CFAP299: variants seen among roughly 807,000 people sequenced by gnomAD.
CFAP299 encodes the protein cilia and flagella associated protein 299, also known as cilia- and flagella-associated protein 299.
In CFAP299, 21 loss-of-function variants were observed where a neutral mutation model predicts 27.0. That is an observed-to-expected ratio of 0.78 (90% CI 0.55 to 1.12). The LOEUF (loss-of-function observed/expected upper bound fraction) is 1.12, where lower values mean the gene tolerates loss of function less well. Among genes scored for constraint, CFAP299 ranks in the 50% most tolerant of loss-of-function variants. The probability of loss-of-function intolerance (pLI) is 0.00; values close to 1 mark genes in which losing one functional copy is unlikely to be tolerated. For missense variants in CFAP299, 310 were observed against 276.6 expected, an observed-to-expected ratio of 1.12 and a Z score of -0.86; for synonymous variants, 104 against 98.1, an observed-to-expected ratio of 1.06 and a Z score of -0.36.
chr4:80,954,772 G>A (rs1737967633), intron 5 of CFAP299, among the ~76,000 whole-genome samples: 1 of 151,828 alleles, frequency 6.6e-6, no homozygotes, highest in South Asian at 2.1e-4. Context: ...GGCGGAGGTG[G>A]GCGGACCACG....
intron 3 of CFAP299, among the ~76,000 whole-genome samples, chr4:80,601,849 C>A (rs1248825430): frequency 6.6e-6 from 1 of 152,162 alleles, no homozygotes; most frequent in Non-Finnish European, 1.5e-5. Flanking sequence ...CAATGATAGA[C>A]TGGATAAAGA....
chr4:80,849,307 G>A (rs1731365431), intron 3 of CFAP299, among the ~76,000 whole-genome samples: 1 of 152,130 alleles, frequency 6.6e-6, no homozygotes, highest in South Asian at 2.1e-4. Context: ...AGTAGTATGG[G>A]ACCCCCATGG....
At chr4:80,604,342 A>C (rs76794010) in intron 3 of CFAP299, among the ~76,000 whole-genome samples, 18,423 of 152,120 alleles carry the variant, frequency 0.12, 1,287 homozygotes, top group South Asian at 0.23. Flanking sequence ...GATAAAAAAA[A>C]AGTTTGGCTA....
chr4:80,694,836 G>T (rs1036479473), intron 3 of CFAP299, among the ~76,000 whole-genome samples: 1 of 152,154 alleles, frequency 6.6e-6, no homozygotes, highest in Non-Finnish European at 1.5e-5. Flanking sequence ...AAAAATTACT[G>T]TGATTGAATT....
intron 2 of CFAP299, among the ~76,000 whole-genome samples, chr4:80,526,822 G>A (rs1408812017): frequency 7.9e-5 from 12 of 152,004 alleles, no homozygotes; most frequent in Admixed American, 1.3e-4. Context: ...CTGTTCTAAC[G>A]TTATACACAT....
At chr4:80,410,764 A>C (rs1024251783) in intron 2 of CFAP299, among the ~76,000 whole-genome samples, 2 of 152,228 alleles carry the variant, frequency 1.3e-5, no homozygotes, top group African/African-American at 4.8e-5. Context: ...ACAGATAACG[A>C]AATAGACTAA....
chr4:80,686,879 C>T (rs1433442664), intron 3 of CFAP299, among the ~76,000 whole-genome samples: 2 of 152,268 alleles, frequency 1.3e-5, no homozygotes, highest in South Asian at 2.1e-4. Flanking sequence ...CAGCTGAAAC[C>T]TCCTGACTGA....
chr4:80,662,927 A>T (rs1166470485), intron 3 of CFAP299, among the ~76,000 whole-genome samples: 1 of 152,070 alleles, frequency 6.6e-6, no homozygotes, highest in African/African-American at 2.4e-5. Context: ...GAGATTAGCA[A>T]ATTTTAGGTG....
At chr4:80,371,427 A>G (rs142552251) in intron 2 of CFAP299, among the ~76,000 whole-genome samples, 197 of 152,280 alleles carry the variant, frequency 1.3e-3, no homozygotes, top group African/African-American at 4.3e-3. Flanking sequence ...TCTCCCCCCA[A>G]AATGAGTTTT....
intron 4 of CFAP299, among the ~76,000 whole-genome samples, chr4:80,907,321 A>T (rs934672701): frequency 4.6e-5 from 7 of 152,120 alleles, no homozygotes; most frequent in Admixed American, 1.3e-4. Flanking sequence ...AACTTTCCAC[A>T]TTTTCCTGTC....
chr4:80,557,256 G>A (rs1734825017), intron 2 of CFAP299, among the ~76,000 whole-genome samples: 1 of 152,016 alleles, frequency 6.6e-6, no homozygotes, highest in Non-Finnish European at 1.5e-5. Context: ...TTCCATGACA[G>A]TCCCTGGGCC....
intron 2 of CFAP299, among the ~76,000 whole-genome samples, chr4:80,458,684 TG>T (rs1729290104): frequency 6.6e-6 from 1 of 152,192 alleles, no homozygotes; most frequent in Admixed American, 6.5e-5. Context: ...TAGAATACTA[TG>T]GATGTGACAT....
At position 80,575,534 on chromosome 4, in the gene CFAP299, CT is replaced by C. The variant is rs994568944; in HGVS notation, c.243-7549del. On this transcript the variant is annotated intron_variant, in intron 2 of 5. Coordinates refer to ENST00000358105, the MANE Select transcript of CFAP299 (RefSeq NM_152770.3). ...CTGATTTTATTTATTTGGGTCTTCT[CT>C]TTTTTTTTTCGCAGTCTGGCTAGAG... 5.8e-4 allele frequency among the ~76,000 whole-genome samples: 86 copies of C among 147,880 alleles called. 2 individuals carry two copies. The South Asian group carries it at 0.013, about 23-fold the overall frequency.
chr4:80,584,440 G>A (rs958801702), intron 3 of CFAP299, among the ~76,000 whole-genome samples: 1 of 151,924 alleles, frequency 6.6e-6, no homozygotes, highest in African/African-American at 2.4e-5. Flanking sequence ...GGTAATTGAA[G>A]AAAATACTAG....
intron 3 of CFAP299, among the ~76,000 whole-genome samples, chr4:80,711,843 A>G (rs2110037234): frequency 6.6e-6 from 1 of 152,342 alleles, no homozygotes; most frequent in East Asian, 1.9e-4. Context: ...CCCTCCAAGT[A>G]TGCTTAAGAG....
chr4:80,886,593 C>A (rs1733983881), intron 4 of CFAP299, among the ~76,000 whole-genome samples: 1 of 152,106 alleles, frequency 6.6e-6, no homozygotes, highest in Admixed American at 6.5e-5. Flanking sequence ...ATTTGGAAAG[C>A]CTTCCCAAAG....
chr4:80,321,749 T>C, the CFAP299 span, among the ~76,000 whole-genome samples: 1 of 152,168 alleles, frequency 6.6e-6, no homozygotes, highest in African/African-American at 2.4e-5. Flanking sequence ...AAGGACAGGA[T>C]GCCATCATCC....
At position 80,619,978 on chromosome 4, in the gene CFAP299, AC is replaced by A. The variant is rs1167332830; in HGVS notation, c.333+36797del. The stretch of plus-strand genomic sequence containing the variant: ...ACATATTGTTATATTAATGAAAAAT[AC>A]CATCAATAATCATAAGCATTGAGAG... On this transcript the variant is annotated intron_variant, in intron 3 of 5. Coordinates refer to ENST00000358105, the MANE Select transcript of CFAP299 (RefSeq NM_152770.3). 3.3e-5 allele frequency among the ~76,000 whole-genome samples: 5 copies of A among 152,240 alleles called. No homozygotes were observed. In the East Asian group the frequency reaches 9.6e-4, roughly 29 times the overall value.
intron 3 of CFAP299, among the ~76,000 whole-genome samples, chr4:80,859,317 A>G (rs888429975): frequency 1.3e-5 from 2 of 151,980 alleles, no homozygotes; most frequent in African/African-American, 4.8e-5. Flanking sequence ...TGCATGTGAG[A>G]TGGGTTTCCT....
Sources: gnomAD v4.1 joint callset for allele counts (sites outside exome capture counted in the v4.1 genomes callset) on GRCh38, gnomAD v4.1.1 for gene constraint, MANE v1.5 for transcripts, NCBI Gene and HGNC (gene_info 2026-07-23, HGNC 2026-07-21) for gene names.